Variants in BRD4 observed in about 807,000 individuals in gnomAD.
BRD4 encodes the protein bromodomain containing 4.
In BRD4, 16 loss-of-function variants were observed where a neutral mutation model predicts 142.1. The ratio of observed to expected loss-of-function variants is 0.11; its 90% CI spans 0.08 to 0.17. The LOEUF is 0.17. Among genes scored for constraint, BRD4 ranks in the 10% least tolerant of loss-of-function variants. The pLI, the probability that BRD4 is intolerant of heterozygous loss-of-function variation, is 1.00. For synonymous variants in BRD4, 833 were observed against 707.5 expected, an observed-to-expected ratio of 1.18 and a Z score of -2.82; for missense variants, 1,424 against 1,810.9, an observed-to-expected ratio of 0.79 and a Z score of 3.88.
At chr19:15,244,996 A>G (rs2145518903) in intron 11 of BRD4, 1 of 736,466 alleles carries the variant, frequency 1.4e-6, no homozygotes, top group Non-Finnish European at 2.1e-6. Context: ...TGCCTGAAAA[A>G]GCCTCCCCTG....
intron 1 of BRD4, among the ~76,000 whole-genome samples, chr19:15,303,045 G>A (rs1599505879): frequency 1.3e-5 from 2 of 151,866 alleles, no homozygotes; most frequent in South Asian, 2.1e-4. Context: ...CTGAAAGGAG[G>A]GCTCTAGTTA....
intron 14 of BRD4, among the ~76,000 whole-genome samples, chr19:15,241,624 G>A (rs184902470): frequency 7.9e-5 from 12 of 152,216 alleles, no homozygotes; most frequent in Admixed American, 2.6e-4. Context: ...TGGTGCACCC[G>A]AGTGCTGGCT....
chr19:15,299,458 A>G (rs1328353897), intron 1 of BRD4, among the ~76,000 whole-genome samples: 4 of 152,190 alleles, frequency 2.6e-5, no homozygotes, highest in African/African-American at 9.6e-5. Context: ...TAATCAACTC[A>G]AGAGTCCCTT....
At chr19:15,241,386 C>G (rs1418773796) in intron 14 of BRD4, among the ~76,000 whole-genome samples, 2 of 152,238 alleles carry the variant, frequency 1.3e-5, no homozygotes, top group Non-Finnish European at 2.9e-5. Flanking sequence ...CTGGTGGGTT[C>G]AGAGGATGGC....
intron 1 of BRD4, among the ~76,000 whole-genome samples, chr19:15,278,558 A>G (rs964569083): frequency 2.6e-5 from 4 of 151,206 alleles, no homozygotes; most frequent in African/African-American, 4.9e-5. Flanking sequence ...AAAAAAAAAA[A>G]AAAAAAGAAA....
chr19:15,254,734 T>C (rs1481698737), intron 10 of BRD4, among the ~76,000 whole-genome samples: 1 of 151,926 alleles, frequency 6.6e-6, no homozygotes, highest in Non-Finnish European at 1.5e-5. Flanking sequence ...GTGCCCCAGG[T>C]AGGGGCCCAA....
chr19:15,314,487 G>A (rs1314972627), intron 1 of BRD4, among the ~76,000 whole-genome samples: 1 of 152,018 alleles, frequency 6.6e-6, no homozygotes, highest in Admixed American at 6.6e-5. Flanking sequence ...GACCCTGCTG[G>A]GACTCTTATT....
At chr19:15,308,353 C>A (rs1170229204) in intron 1 of BRD4, among the ~76,000 whole-genome samples, 1 of 151,050 alleles carries the variant, frequency 6.6e-6, no homozygotes, top group Non-Finnish European at 1.5e-5. Flanking sequence ...CTTTGGGAGG[C>A]CCAGGCGGGT....
chr19:15,317,364 C>G (rs982581292), intron 1 of BRD4, among the ~76,000 whole-genome samples: 1 of 152,186 alleles, frequency 6.6e-6, no homozygotes, highest in African/African-American at 2.4e-5. Context: ...AAGTCTGCAG[C>G]TCCCTACAGC....
intron 1 of BRD4, among the ~76,000 whole-genome samples, chr19:15,316,740 T>C (rs2048021581): frequency 6.6e-6 from 1 of 152,256 alleles, no homozygotes. Flanking sequence ...GCACTGTTTT[T>C]ACTGACCAGA....
Position 15,239,947 on chromosome 19 carries a change from T to C in BRD4, c.3245A>G (p.Gln1082Arg), listed in dbSNP as rs1166378063. The C allele has an allele frequency of 3.1e-6, 5 of 1,613,516 alleles. No homozygotes were observed. Among genetic ancestry groups the C allele is most frequent in the South Asian group, 1.1e-5 (1 of 91,056 alleles). ...QMSQFQSLTHQSPPQQNVQPK... is the reference protein window; with the variant it reads ...QMSQFQSLTHRSPPQQNVQPK... ...CTGGACGTTTTGCTGGGGTGGAGAC[T>C]GGTGGGTCAGGCTCTGGAACTGTGA... The change falls in exon 15 of 20, where the codon CAG becomes CGG. Residue 1082 changes from glutamine (Q) to arginine (R), a missense_variant. Gln to Arg is a conservative substitution (Grantham distance 43). Coordinates refer to ENST00000679869, the MANE Select transcript of BRD4 (RefSeq NM_001379291.1). The surrounding 1 kb of genome is among the most constrained non-coding windows in gnomAD (Gnocchi z 7.4).
intron 7 of BRD4, among the ~76,000 whole-genome samples, chr19:15,258,199 C>T (rs2047433449): frequency 1.3e-5 from 2 of 152,224 alleles, no homozygotes; most frequent in Non-Finnish European, 2.9e-5. Flanking sequence ...GCCCTGGAAT[C>T]CCCTCCTGAT....
intron 1 of BRD4, among the ~76,000 whole-genome samples, chr19:15,321,195 G>T (rs1032597830): frequency 6.6e-6 from 1 of 151,862 alleles, no homozygotes; most frequent in African/African-American, 2.4e-5. Context: ...CTGCACTCCA[G>T]CCTGGGCGAA....
At chr19:15,285,760 C>T (rs888219469) in intron 1 of BRD4, among the ~76,000 whole-genome samples, 4 of 152,104 alleles carry the variant, frequency 2.6e-5, no homozygotes, top group African/African-American at 9.7e-5. Flanking sequence ...TCCCAACTCC[C>T]TGAAATACCA....
chr19:15,317,651 G>A lies in BRD4; in HGVS notation c.-35+14639C>T, dbSNP rs370780772. On this transcript the variant is annotated intron_variant, in intron 1 of 19. Transcript: ENST00000679869. ...GGTGGTGGTGGTGGTGGTCAGGAAG[G>A]TCAGGGGAAAGAGACACAGGCCAGA... 1.6e-3 allele frequency among the ~76,000 whole-genome samples: 243 copies of A among 152,208 alleles called. 3 individuals are homozygous for A. Among genetic ancestry groups the A allele is most frequent in the African/African-American group, 5.7e-3 (238 of 41,528 alleles).
At chr19:15,246,994 A>C (rs1322248687) in intron 11 of BRD4, 1 of 181,706 alleles carries the variant, frequency 5.5e-6, no homozygotes, top group Non-Finnish European at 1.2e-5. Context: ...TTCACAACAC[A>C]CCAGCCCCAA....
intron 10 of BRD4, 118 bp downstream of exon 10, chr19:15,255,179 A>G (rs1386744666): frequency 4.0e-6 from 4 of 1,009,022 alleles, no homozygotes; most frequent in South Asian, 3.4e-5. Context: ...GAACACAGAT[A>G]TTATAATTGG....
intron 3 of BRD4, 47 bp from the exon 4 acceptor site, chr19:15,267,598 C>A (rs1329192673): frequency 8.8e-6 from 14 of 1,599,386 alleles, no homozygotes; most frequent in Non-Finnish European, 1.1e-5. Flanking sequence ...CTCCCCTCCC[C>A]ACCTCTGTAG....
rs748256356 is a variant in BRD4 at position 15,273,003 on chromosome 19, C to A, written c.97G>T (p.Ala33Ser). The A allele has an allele frequency of 6.2e-7, 1 of 1,614,100 alleles. No individual in the cohort carries two copies. The highest frequency in any genetic ancestry group is 8.5e-7 in the Non-Finnish European group (1 of 1,180,008). The change falls in exon 2 of 20, where the codon GCC becomes TCC. Residue 33 changes from alanine to serine, a missense_variant. Transcript: ENST00000679869. ...TSQMSTTQAQ[A>S]QPQPANAAST... ...GCTGCGTTGGCTGGCTGGGGTTGGGCCTGGGCCTGTGTTGTAGACATTTGG... is the reference window on the plus strand; with the variant it reads ...GCTGCGTTGGCTGGCTGGGGTTGGGACTGGGCCTGTGTTGTAGACATTTGG...
Sources: allele counts gnomAD v4.1 joint callset (sites outside exome capture counted in the v4.1 genomes callset), GRCh38; gene constraint gnomAD v4.1.1; non-coding constraint Gnocchi (gnomAD v3.1); transcripts MANE v1.5; gene names NCBI Gene and HGNC (gene_info 2026-07-23, HGNC 2026-07-21).